Variants in NKAIN2 observed in about 807,000 individuals in gnomAD.
The protein encoded by NKAIN2 is sodium/potassium-transporting ATPase subunit beta-1-interacting protein 2.
Under a neutral mutation model 32.6 loss-of-function variants are expected in NKAIN2, and 14 were observed. The observed-to-expected ratio is 0.43, with a 90% CI of 0.28 to 0.67. The LOEUF (loss-of-function observed/expected upper bound fraction) is 0.67. NKAIN2 is among the 30% of genes least tolerant of loss of function. The pLI, the probability that NKAIN2 is intolerant of heterozygous loss-of-function variation, is 0.17. For synonymous variants in NKAIN2, 80 were observed against 87.2 expected (o/e 0.92, Z 0.46); for missense variants, 198 against 258.3 (o/e 0.77, Z 1.60).
At chr6:124,462,471 A>G (rs868141816) in intron 3 of NKAIN2, among the ~76,000 whole-genome samples, 69 of 152,042 alleles carry the variant, frequency 4.5e-4, no homozygotes, top group African/African-American at 1.5e-3. Flanking sequence ...TTCTTCATAC[A>G]AAGATCACAA....
chr6:124,205,593 A>G (rs1353343007), intron 1 of NKAIN2, among the ~76,000 whole-genome samples: 1 of 151,596 alleles, frequency 6.6e-6, no homozygotes, highest in Non-Finnish European at 1.5e-5. Flanking sequence ...TAGAGTCTGC[A>G]TATAAACAAA....
chr6:124,243,142 G>T (rs1036220935), intron 1 of NKAIN2, among the ~76,000 whole-genome samples: 28 of 151,922 alleles, frequency 1.8e-4, no homozygotes, highest in Non-Finnish European at 8.8e-5. Flanking sequence ...ACAGAAGTAG[G>T]TTTCAAAACA....
At chr6:124,319,642 A>C (rs1484309242) in intron 2 of NKAIN2, among the ~76,000 whole-genome samples, 3 of 152,098 alleles carry the variant, frequency 2.0e-5, no homozygotes, top group African/African-American at 7.2e-5. Context: ...ACCTCCAGTA[A>C]CTGCGAGTGC....
At chr6:124,809,880 A>G (rs1780799450) in intron 5 of NKAIN2, among the ~76,000 whole-genome samples, 1 of 152,210 alleles carries the variant, frequency 6.6e-6, no homozygotes, top group African/African-American at 2.4e-5. Context: ...AACACATGAA[A>G]AAATGCTCAC....
chr6:124,726,059 G>A lies in NKAIN2; in HGVS notation c.475-65280G>A, dbSNP rs543555563. Among the ~76,000 whole-genome samples the A allele has an allele frequency of 3.7e-4, 56 of 152,256 alleles. No homozygotes were observed. The South Asian group carries it at 8.9e-3, about 24-fold the overall frequency. On this transcript the variant is annotated intron_variant, in intron 4 of 6. Transcript: ENST00000368417. ...CTGCACCTGGCTTGGAGGGTCCTAC[G>A]CCCACGGAGTCTCGCTGATTGCTAG...
At chr6:124,565,111 T>C (rs962571055) in intron 3 of NKAIN2, among the ~76,000 whole-genome samples, 2 of 152,076 alleles carry the variant, frequency 1.3e-5, no homozygotes, top group Non-Finnish European at 2.9e-5. Flanking sequence ...GGGAAAGGGG[T>C]GTTGTTGAAC....
chr6:124,001,983 C>G (rs980623025), intron 1 of NKAIN2, among the ~76,000 whole-genome samples: 1 of 151,954 alleles, frequency 6.6e-6, no homozygotes, highest in Non-Finnish European at 1.5e-5. Context: ...ATTCATTCAA[C>G]AAACATTTAT....
chr6:124,136,658 G>A lies in NKAIN2; in HGVS notation c.55-146347G>A, dbSNP rs562540695. Among the ~76,000 whole-genome samples the A allele has an allele frequency of 1.3e-4, 20 of 152,078 alleles. No homozygotes were observed. The South Asian group carries it at 3.7e-3, about 28-fold the overall frequency. Reference sequence around the variant, plus strand: ...CAGCGTCTCACAAAGATAATATGTCGTGATTAAGTGGGTTTTATACCAGGG... The same window carrying A: ...CAGCGTCTCACAAAGATAATATGTCATGATTAAGTGGGTTTTATACCAGGG... On this transcript the variant is annotated intron_variant, in intron 1 of 6. Transcript: ENST00000368417.
Position 124,700,640 on chromosome 6 carries a change from T to G in NKAIN2, c.474+42254T>G, listed in dbSNP as rs544320274. Among the ~76,000 whole-genome samples, 14 of 152,252 alleles carry G rather than the reference T, an allele frequency of 9.2e-5. No homozygotes were observed. The South Asian group carries it at 2.7e-3, about 29-fold the overall frequency. On this transcript the variant is annotated intron_variant, in intron 4 of 6. Transcript: ENST00000368417. The stretch of plus-strand genomic sequence containing the variant: ...GAAGTTGTGCCCCCAAAACAGTTAC[T>G]AGCCAGCTCACTGATTTTAACCTAG...
At chr6:124,035,000 C>A (rs1781551117) in intron 1 of NKAIN2, among the ~76,000 whole-genome samples, 1 of 151,984 alleles carries the variant, frequency 6.6e-6, no homozygotes, top group African/African-American at 2.4e-5. Context: ...TTCTCTGAGA[C>A]AAACTGACTT....
chr6:124,171,053 C>A (rs1463191361), intron 1 of NKAIN2, among the ~76,000 whole-genome samples: 1 of 151,916 alleles, frequency 6.6e-6, no homozygotes, highest in Non-Finnish European at 1.5e-5. Context: ...TAGAAAATTT[C>A]ATTTGAGATG....
At chr6:124,488,059 G>A (rs1163004028) in intron 3 of NKAIN2, among the ~76,000 whole-genome samples, 4 of 152,026 alleles carry the variant, frequency 2.6e-5, no homozygotes, top group Admixed American at 1.3e-4. Flanking sequence ...ACCATATATA[G>A]TGCATTGTGC....
At chr6:124,768,176 G>T (rs901149945) in intron 4 of NKAIN2, among the ~76,000 whole-genome samples, 1 of 152,106 alleles carries the variant, frequency 6.6e-6, no homozygotes, top group Non-Finnish European at 1.5e-5. Flanking sequence ...GATTCAAGGA[G>T]ATGTCTTAAT....
chr6:124,317,216 A>G (rs1796991417), intron 2 of NKAIN2, among the ~76,000 whole-genome samples: 1 of 152,114 alleles, frequency 6.6e-6, no homozygotes, highest in Non-Finnish European at 1.5e-5. Flanking sequence ...AGGTGAACTC[A>G]AGTTAGCATT....
At chr6:124,195,596 G>T (rs1282133167) in intron 1 of NKAIN2, among the ~76,000 whole-genome samples, 3 of 152,106 alleles carry the variant, frequency 2.0e-5, no homozygotes, top group Non-Finnish European at 4.4e-5. Context: ...AGGCAGTGAA[G>T]TCACTGATAC....
At chr6:124,615,333 G>A (rs760829659) in intron 3 of NKAIN2, among the ~76,000 whole-genome samples, 31 of 152,156 alleles carry the variant, frequency 2.0e-4, no homozygotes, top group Admixed American at 9.8e-4. Flanking sequence ...CGCAATATTT[G>A]ATTTGTAGTT....
chr6:124,396,556 G>T (rs1011178941), intron 3 of NKAIN2, among the ~76,000 whole-genome samples: 3 of 152,088 alleles, frequency 2.0e-5, no homozygotes, highest in Non-Finnish European at 4.4e-5. Flanking sequence ...AATGAAACAC[G>T]ATGAGTCAGA....
chr6:124,074,909 T>C (rs1783622811), intron 1 of NKAIN2, among the ~76,000 whole-genome samples: 1 of 152,172 alleles, frequency 6.6e-6, no homozygotes, highest in South Asian at 2.1e-4. Context: ...CTGAGTTCCT[T>C]GAGAACAAAA....
chr6:124,486,085 C>T (rs1337916629), intron 3 of NKAIN2, among the ~76,000 whole-genome samples: 1 of 152,160 alleles, frequency 6.6e-6, no homozygotes, highest in Non-Finnish European at 1.5e-5. Context: ...CAGTTTTCTT[C>T]CCTGTCATCC....
Sources: gnomAD v4.1 joint callset for allele counts (sites outside exome capture counted in the v4.1 genomes callset) on GRCh38, gnomAD v4.1.1 for gene constraint, MANE v1.5 for transcripts, NCBI Gene and HGNC (gene_info 2026-07-23, HGNC 2026-07-21) for gene names.